Variants in EVL observed in about 807,000 individuals in gnomAD.
EVL encodes the protein Enah/Vasp-like.
EVL carries 21 observed loss-of-function variants against 59.6 expected under a neutral mutation model. The observed-to-expected ratio is 0.35, with a 90% confidence interval of 0.25 to 0.51. The LOEUF (loss-of-function observed/expected upper bound fraction) is 0.51. Among genes scored for constraint, EVL ranks in the 20% least tolerant of loss-of-function variants. The pLI is 0.97. For missense variants in EVL, 462 were observed against 546.6 expected (o/e 0.85, Z 1.54); for synonymous variants, 198 against 203.5 (o/e 0.97, Z 0.23).
intron 1 of EVL, among the ~76,000 whole-genome samples, chr14:99,981,172 T>C (rs758497770): frequency 1.4e-4 from 21 of 152,178 alleles, no homozygotes; most frequent in Non-Finnish European, 2.8e-4. Flanking sequence ...CTCACACCTG[T>C]AATCCCAGCA....
intron 1 of EVL, among the ~76,000 whole-genome samples, chr14:99,988,481 C>T (rs1185164557): frequency 1.3e-5 from 2 of 152,116 alleles, no homozygotes; most frequent in Non-Finnish European, 2.9e-5. Flanking sequence ...TCGTACATTG[C>T]TGGGGAGTGT....
chr14:100,011,687 C>G (rs117082350), intron 1 of EVL, among the ~76,000 whole-genome samples: 1,795 of 152,266 alleles, frequency 0.012, 19 homozygotes, highest in Non-Finnish European at 0.018. Context: ...TCTGTCAGCC[C>G]TGCATTCCTG....
At chr14:100,078,278 TA>T (rs1350452049) in intron 1 of EVL, among the ~76,000 whole-genome samples, 2 of 152,122 alleles carry the variant, frequency 1.3e-5, no homozygotes, top group African/African-American at 4.8e-5. Context: ...GACCCGGGAT[TA>T]AAAACACTTG....
chr14:100,141,363 C>A, intron 12 of EVL, 117 bp downstream of exon 12: 2 of 1,123,164 alleles, frequency 1.8e-6, no homozygotes, highest in Non-Finnish European at 2.6e-6. Flanking sequence ...TGCCAAAAGG[C>A]CAGTCAGGGA....
rs945253895 is a variant in EVL at position 100,108,510 on chromosome 14, T to C, written c.358+10852T>C. 1.3e-5 allele frequency among the ~76,000 whole-genome samples: 2 copies of C among 152,156 alleles called. No homozygotes were observed. The highest frequency in any genetic ancestry group is 4.8e-5 in the African/African-American group (2 of 41,446). On this transcript the variant is annotated intron_variant, in intron 3 of 13. Transcript: ENST00000392920. This position sits in a 1 kb window ranked among gnomAD's most constrained non-coding sequence, Gnocchi z 4.1. ...CAGCTGCCCTCTGGCGGCCACTTTC[T>C]GAAAGCCGGATATGTCTCTTTGCTG... is the stretch of plus-strand genomic sequence containing the variant.
chr14:100,113,386 A>G (rs979484282), intron 3 of EVL, among the ~76,000 whole-genome samples: 39 of 152,316 alleles, frequency 2.6e-4, no homozygotes, highest in African/African-American at 8.7e-4. Context: ...TCAAGTCTAT[A>G]TGCTCAGAAC....
At chr14:100,143,091 A>G (rs1889290464) in intron 13 of EVL, among the ~76,000 whole-genome samples, 1 of 152,142 alleles carries the variant, frequency 6.6e-6, no homozygotes, top group Non-Finnish European at 1.5e-5. Flanking sequence ...GAGGGGATGG[A>G]TACCAGAGGA....
chr14:100,137,856 C>T (rs1888908962), intron 11 of EVL, 54 bp downstream of exon 11: 2 of 1,553,338 alleles, frequency 1.3e-6, no homozygotes, highest in Non-Finnish European at 1.8e-6. Flanking sequence ...GCTCCTCTGT[C>T]CCCCGTCCCG....
intron 1 of EVL, among the ~76,000 whole-genome samples, chr14:99,982,525 A>C (rs756471769): frequency 3.3e-5 from 5 of 152,192 alleles, no homozygotes; most frequent in African/African-American, 1.2e-4. Context: ...ACAAGCACCA[A>C]AGGAAGGACT....
At chr14:100,102,872 C>T (rs757200693) in intron 3 of EVL, among the ~76,000 whole-genome samples, 12 of 152,042 alleles carry the variant, frequency 7.9e-5, no homozygotes, top group Admixed American at 2.6e-4. Context: ...CTGAGGCGGG[C>T]GGATCACAAG....
chr14:100,036,799 G>A (rs1251306847), intron 1 of EVL, among the ~76,000 whole-genome samples: 1 of 152,130 alleles, frequency 6.6e-6, no homozygotes, highest in African/African-American at 2.4e-5. Context: ...CACTGTTACG[G>A]ACTAAATTAT....
chr14:100,119,978 G>T (rs577842127), intron 3 of EVL, among the ~76,000 whole-genome samples: 1 of 152,158 alleles, frequency 6.6e-6, no homozygotes, highest in African/African-American at 2.4e-5. Flanking sequence ...GTGACTCTGC[G>T]CTCTGCCACT....
At chr14:100,047,341 G>A (rs914334032) in intron 1 of EVL, among the ~76,000 whole-genome samples, 1 of 151,880 alleles carries the variant, frequency 6.6e-6, no homozygotes, top group African/African-American at 2.4e-5. Context: ...CCCTCTGAAA[G>A]CAGGAAGCAT....
intron 1 of EVL, among the ~76,000 whole-genome samples, chr14:100,081,871 G>A (rs1197997381): frequency 2.6e-5 from 4 of 152,208 alleles, no homozygotes; most frequent in Non-Finnish European, 5.9e-5. Context: ...AGTCCAAGGC[G>A]GGCAGATTGC....
chr14:100,010,464 G>A (rs2061009681), intron 1 of EVL, among the ~76,000 whole-genome samples: 2 of 152,146 alleles, frequency 1.3e-5, no homozygotes, highest in African/African-American at 4.8e-5. Context: ...ACAAGATCGT[G>A]CAGTGGCACC....
chr14:100,107,329 C>T (rs985905570), intron 3 of EVL: 5 of 398,506 alleles, frequency 1.3e-5, no homozygotes, highest in African/African-American at 2.1e-5. Flanking sequence ...AAGAAAATCC[C>T]CCTCAAAGCC....
At chr14:100,008,859 C>T (rs1265768225) in intron 1 of EVL, among the ~76,000 whole-genome samples, 2 of 152,070 alleles carry the variant, frequency 1.3e-5, no homozygotes, top group East Asian at 3.9e-4. Flanking sequence ...CACTGCAAGA[C>T]TCATGAGATG....
intron 1 of EVL, among the ~76,000 whole-genome samples, chr14:100,011,232 G>A (rs1449960684): frequency 6.6e-6 from 1 of 152,160 alleles, no homozygotes. Flanking sequence ...CCCTTTCAGT[G>A]TCACTCAAAA....
At chr14:100,077,552 G>T (rs2062189951) in intron 1 of EVL, among the ~76,000 whole-genome samples, 1 of 152,192 alleles carries the variant, frequency 6.6e-6, no homozygotes, top group South Asian at 2.1e-4. Flanking sequence ...TGGTGCTCGT[G>T]TAAACCCTGG....
Sources: allele counts gnomAD v4.1 joint callset (sites outside exome capture counted in the v4.1 genomes callset), GRCh38; gene constraint gnomAD v4.1.1; non-coding constraint Gnocchi (gnomAD v3.1); transcripts MANE v1.5; gene names NCBI Gene and HGNC (gene_info 2026-07-23, HGNC 2026-07-21).